MS4A6A: variants seen among roughly 807,000 people sequenced by gnomAD.
MS4A6A encodes the protein membrane spanning 4-domains A6A, also known as membrane-spanning 4-domains subfamily A member 6A.
In MS4A6A, 19 loss-of-function variants were observed where a neutral mutation model predicts 20.6. That is an observed-to-expected ratio of 0.92 (90% confidence interval 0.64 to 1.36). The LOEUF (loss-of-function observed/expected upper bound fraction) is 1.36, where lower values mean the gene tolerates loss of function less well. Ranked by LOEUF, MS4A6A falls within the 40% of genes most tolerant of loss-of-function variation. The pLI is 0.00. For synonymous variants in MS4A6A, 108 were observed against 105.0 expected, an observed-to-expected ratio of 1.03 and a Z score of -0.17; for missense variants, 272 against 261.1, an observed-to-expected ratio of 1.04 and a Z score of -0.29.
chr11:60,175,964 C>G (rs1352929163), intron 4 of MS4A6A, among the ~76,000 whole-genome samples: 2 of 152,122 alleles, frequency 1.3e-5, no homozygotes, highest in Non-Finnish European at 2.9e-5. Flanking sequence ...GGCAACGTAC[C>G]AGATGCAGTT....
At chr11:60,182,889 C>T (rs2083815509) in intron 1 of MS4A6A, 89 bp downstream of exon 1, 3 of 653,968 alleles carry the variant, frequency 4.6e-6, no homozygotes, top group African/African-American at 1.9e-5. Context: ...CTCTTAACTG[C>T]TGTCAAGGAG....
At chr11:60,183,655 T>G (rs538616212), upstream of MS4A6A, 3 of 152,834 alleles carry the variant, frequency 2.0e-5, no homozygotes, top group South Asian at 2.1e-4. Context: ...ATCTTGCTTT[T>G]CTAATTCCCC....
At chr11:60,179,544 T>G (rs1316717642) in intron 3 of MS4A6A, 4 of 589,906 alleles carry the variant, frequency 6.8e-6, no homozygotes, top group African/African-American at 5.6e-5. Context: ...ATTCATGGAT[T>G]TTTTTTTCGC....
intron 2 of MS4A6A, 57 bp downstream of exon 2, chr11:60,181,524 T>C (rs1343206777): frequency 3.4e-5 from 54 of 1,594,624 alleles, no homozygotes; most frequent in Non-Finnish European, 4.3e-5. Flanking sequence ...CCAAGACATA[T>C]ATCATCTCTT....
chr11:60,184,135 C>A (rs764672202), upstream of MS4A6A: 4 of 152,260 alleles, frequency 2.6e-5, no homozygotes, highest in Admixed American at 2.6e-4. Context: ...CATTAACTCT[C>A]CTGTTGAAGA....
At chr11:60,177,617 T>C (rs771036096) in intron 4 of MS4A6A, among the ~76,000 whole-genome samples, 2 of 152,198 alleles carry the variant, frequency 1.3e-5, no homozygotes, top group African/African-American at 4.8e-5. Context: ...AGGACAACTT[T>C]TTAGGGTGCA....
In MS4A6A at chr11:60,179,871, G is replaced by A. The variant is rs1857040151; in HGVS notation, c.242C>T (p.Thr81Ile). 2 of 1,614,128 alleles carry A rather than the reference G, an allele frequency of 1.2e-6. No individual in the cohort carries two copies. Among genetic ancestry groups the A allele is most frequent in the Non-Finnish European group, 1.7e-6 (2 of 1,180,014 alleles). ...GAATGGGTAAGCAGAGTTCAACAGT[G>A]TAGAAGTCACTTGGGTAAAATTTGG... The part of the protein sequence containing the change: ...FSPNFTQVTS[T>I]LLNSAYPFIG... Residue 81 changes from threonine to isoleucine, a missense_variant, in exon 3 of 6, where the codon ACA becomes ATA. Physicochemically the swap from Thr to Ile is moderately conservative, Grantham distance 89. Coordinates refer to ENST00000528851, the MANE Select transcript of MS4A6A (RefSeq NM_022349.4).
intron 2 of MS4A6A, chr11:60,180,979 G>T (rs1278618592): frequency 6.7e-6 from 3 of 446,246 alleles, no homozygotes; most frequent in Non-Finnish European, 1.3e-5. Context: ...CCTCACCTCA[G>T]ATCACATAAG....
intron 4 of MS4A6A, 54 bp from the exon 5 acceptor site, chr11:60,175,665 T>G: frequency 6.4e-7 from 1 of 1,558,326 alleles, no homozygotes; most frequent in Non-Finnish European, 8.8e-7. Flanking sequence ...GAATCTGTTA[T>G]GCATCTTTGC....
chr11:60,177,515 CTAGT>C (rs1039826831), intron 4 of MS4A6A: 1 of 152,108 alleles, frequency 6.6e-6, no homozygotes, highest in African/African-American at 2.4e-5. Flanking sequence ...ACTTCCAACT[CTAGT>C]TTTTGCTGGA....
At position 60,173,039 on chromosome 11, in the gene MS4A6A, C is replaced by T; in HGVS notation, c.640G>A (p.Asp214Asn). 1 of 1,614,094 alleles carries T rather than the reference C, an allele frequency of 6.2e-7. No individual in the cohort carries two copies. Among genetic ancestry groups the T allele is most frequent in the Non-Finnish European group, 8.5e-7 (1 of 1,179,978 alleles). The change falls in exon 6 of 6, where the codon GAC becomes AAC. Residue 214 changes from aspartate (D) to asparagine (N), a missense_variant. Physicochemically the swap from Asp to Asn is conservative, Grantham distance 23. Transcript: ENST00000528851. ...AVLRWKQAYS[D>N]FPGVSVLAGF... is the part of the protein sequence containing the mutation. ...GCCAGCACACTCACCCCAGGGAAGT[C>T]AGAGTAAGCCTGTTTCCACCGCAGC...
rs1478286695 is a variant in MS4A6A at position 60,172,899 on chromosome 11, C to T, written c.*102G>A. 4.0e-5 allele frequency: 62 copies of T among 1,566,554 alleles called. No homozygotes were observed. Among genetic ancestry groups the T allele is most frequent in the African/African-American group, 1.4e-5 (1 of 74,068 alleles). ...TTCTTCTCTGTCTTCCATCACAATGCAAATGCCCTCCCATGTGTATCTCAT... is the reference window on the plus strand; with the variant it reads ...TTCTTCTCTGTCTTCCATCACAATGTAAATGCCCTCCCATGTGTATCTCAT... On this transcript the variant is annotated 3_prime_UTR_variant, in exon 6 of 6. Transcript: ENST00000528851.
At position 60,173,120 on chromosome 11, in the gene MS4A6A, A is replaced by G. The variant is rs1162983070; in HGVS notation, c.559T>C (p.Ser187Pro). 7 of 1,613,860 alleles carry G rather than the reference A, an allele frequency of 4.3e-6. No homozygotes were observed. Reference sequence around the variant, plus strand: ...AGCAGAGTGCAAATCAGCATCAGAGAGAGAGTTCCCTGAAAGTCAAGAAAT... The same window carrying G: ...AGCAGAGTGCAAATCAGCATCAGAGGGAGAGTTCCCTGAAAGTCAAGAAAT... ...TAKASLAGTL[S>P]LMLICTLLEF... The change falls in exon 6 of 6, where the codon TCT becomes CCT. Residue 187 changes from serine (S) to proline (P), a missense_variant. Coordinates refer to ENST00000528851, the MANE Select transcript of MS4A6A (RefSeq NM_022349.4).
In MS4A6A at chr11:60,182,969, A is replaced by G. The variant is rs1170758312; in HGVS notation, c.-15+9T>C. On this transcript the variant is annotated intron_variant, in intron 1 of 5. Coordinates refer to ENST00000528851, the MANE Select transcript of MS4A6A (RefSeq NM_022349.4). ...AGTGAGATGAGAAAAGTCTTCCAGC[A>G]TTACCTACCTGTGCCCGTTGGTTCC... 5 of 1,361,060 alleles carry G rather than the reference A, an allele frequency of 3.7e-6. No homozygotes were observed. Among genetic ancestry groups the G allele is most frequent in the African/African-American group, 3.0e-5 (2 of 66,658 alleles). 84.3% of individuals were successfully genotyped at this position (1,361,060 alleles called of 1,614,324 possible).
At position 60,179,926 on chromosome 11, in the gene MS4A6A, C is replaced by T. The variant is rs1314610281; in HGVS notation, c.187G>A (p.Gly63Arg). ...AAGGAAGCAGATGCCAAAATGATCC[C>T]CAAGCTCAATACCATCATGCCACAC... ...ILCGMMVLSL[G>R]IILASASFSP... The change falls in exon 3 of 6, where the codon GGG (glycine) becomes AGG (arginine). Residue 63 changes from glycine to arginine, a missense_variant. Gly to Arg is a moderately radical substitution (Grantham distance 125, BLOSUM62 -2). Coordinates refer to ENST00000528851, the MANE Select transcript of MS4A6A (RefSeq NM_022349.4). 3 of 1,613,936 alleles carry T rather than the reference C, an allele frequency of 1.9e-6. No homozygotes were observed. The highest frequency in any genetic ancestry group is 1.7e-5 in the Admixed American group (1 of 59,974).
At chr11:60,183,335 TTAAA>T (rs1220012238), upstream of MS4A6A, 2 of 650,542 alleles carry the variant, frequency 3.1e-6, no homozygotes, top group Non-Finnish European at 5.2e-6. Context: ...TTCTAATCTG[TTAAA>T]TAGAGGAGCA....
chr11:60,173,278 C>T, intron 5 of MS4A6A, 149 bp from the exon 6 acceptor site: 1 of 674,570 alleles, frequency 1.5e-6, no homozygotes, highest in Non-Finnish European at 2.6e-6. Flanking sequence ...GCTCCTCCCA[C>T]ACCTCACAAT....
intron 3 of MS4A6A, 160 bp from the exon 4 acceptor site, chr11:60,178,476 C>A: frequency 5.6e-6 from 3 of 537,760 alleles, no homozygotes; most frequent in East Asian, 3.2e-5. Flanking sequence ...TCCCTTTGTC[C>A]ATATAACATT....
At chr11:60,174,272 C>T (rs1046571882) in intron 5 of MS4A6A, among the ~76,000 whole-genome samples, 6 of 151,774 alleles carry the variant, frequency 4.0e-5, no homozygotes, top group African/African-American at 1.5e-4. Context: ...GAGTTCTTGG[C>T]TTATCTTGTT....
Sources: allele counts gnomAD v4.1 joint callset (sites outside exome capture counted in the v4.1 genomes callset), GRCh38; gene constraint gnomAD v4.1.1; transcripts MANE v1.5; gene names NCBI Gene and HGNC (gene_info 2026-07-23, HGNC 2026-07-21).